The following LANCL2 variants were observed in gnomAD, a reference collection of about 807,000 sequenced individuals.
The protein encoded by LANCL2 is lanC-like protein 2.
In LANCL2, 33 loss-of-function variants were observed where a neutral mutation model predicts 56.9. That is an observed-to-expected ratio of 0.58 (90% CI 0.44 to 0.78). The LOEUF is 0.78. Ranked by LOEUF, LANCL2 falls within the 30% of genes least tolerant of loss-of-function variation. LANCL2 has a pLI of 0.00. For synonymous variants in LANCL2, 233 were observed against 228.2 expected (o/e 1.02, Z -0.19); for missense variants, 562 against 580.2 (o/e 0.97, Z 0.32).
rs771695305 is a variant in LANCL2, at chr7:55,401,226, A to G, written c.731A>G (p.Lys244Arg). 2.2e-5 allele frequency: 35 copies of G among 1,614,052 alleles called. No homozygotes were observed. Among genetic ancestry groups the G allele is most frequent in the African/African-American group, 5.3e-5 (4 of 74,924 alleles). Residue 244 changes from lysine (K) to arginine (R), a missense_variant, in exon 5 of 9, where the codon AAA becomes AGA. Physicochemically the swap from Lys to Arg is conservative, Grantham distance 26 (BLOSUM62 2). Transcript: ENST00000254770. ...AAGACTTTGTCAAGGGAAGAAAGAA[A>G]AACGGAGCGCTGCCCGCTGTTGTAC... is the stretch of plus-strand genomic sequence containing the variant. ...SGKTLSREER[K>R]TERCPLLYQW...
At chr7:55,373,574 A>G (rs545470656) in intron 1 of LANCL2, among the ~76,000 whole-genome samples, 2 of 152,294 alleles carry the variant, frequency 1.3e-5, no homozygotes, top group Non-Finnish European at 2.9e-5. Flanking sequence ...TGTTGGGATT[A>G]CAGGTGCAAG....
chr7:55,393,005 C>G (rs1465539786), intron 2 of LANCL2, among the ~76,000 whole-genome samples: 1 of 152,024 alleles, frequency 6.6e-6, no homozygotes, highest in South Asian at 2.1e-4. Context: ...ATGATAACAA[C>G]CAATAATACA....
At chr7:55,378,161 C>A (rs1790024226) in intron 1 of LANCL2, among the ~76,000 whole-genome samples, 1 of 152,156 alleles carries the variant, frequency 6.6e-6, no homozygotes, top group African/African-American at 2.4e-5. Flanking sequence ...TGTTAGTTAT[C>A]TTTATAATAC....
At chr7:55,379,046 G>A (rs73344579) in intron 1 of LANCL2, among the ~76,000 whole-genome samples, 7,637 of 152,228 alleles carry the variant, frequency 0.05, 653 homozygotes, top group African/African-American at 0.17. Flanking sequence ...CAGGAGAATG[G>A]TGTGAAGGCA....
Position 55,366,136 on chromosome 7 carries a change from G to T in LANCL2, c.111G>T (p.Ala37=). The change falls in exon 1 of 9, where the codon GCG becomes GCT. Residue 37 remains alanine, a synonymous_variant. Coordinates refer to ENST00000254770, the MANE Select transcript of LANCL2 (RefSeq NM_018697.4). ...CGGACTACGAGGCCGCCGCCGGGGC[G>T]CTGCTCGCCTCCGGAGCGGCCGAAG... ...PFPDYEAAAG[A]LLASGAAEET... 6.5e-7 allele frequency: 1 copy of T among 1,547,178 alleles called. No individual in the cohort carries two copies. Among genetic ancestry groups the T allele is most frequent in the Non-Finnish European group, 8.7e-7 (1 of 1,143,960 alleles).
At chr7:55,430,458 T>TGGG (rs1177449579) in intron 8 of LANCL2, among the ~76,000 whole-genome samples, 1 of 152,130 alleles carries the variant, frequency 6.6e-6, no homozygotes, top group Non-Finnish European at 1.5e-5. Flanking sequence ...TGGTTACCTC[T>TGGG]GGGGGGACCA....
At chr7:55,393,063 C>T (rs1196852871) in intron 2 of LANCL2, among the ~76,000 whole-genome samples, 5 of 152,166 alleles carry the variant, frequency 3.3e-5, no homozygotes, top group Non-Finnish European at 1.5e-5. Context: ...CTTAACTAAT[C>T]TTTGCATTCT....
In LANCL2 at chr7:55,374,138, C is replaced by G. The variant is rs184977730; in HGVS notation, c.204+7909C>G. Among the ~76,000 whole-genome samples the G allele has an allele frequency of 2.4e-3, 372 of 152,226 alleles. 6 individuals carry two copies. The highest frequency in any genetic ancestry group is 3.7e-4 in the Non-Finnish European group (25 of 68,018). On this transcript the variant is annotated intron_variant, in intron 1 of 8. Transcript: ENST00000254770. Reference sequence around the variant, plus strand: ...ACTGTAATTACATATGTTTTGAGCCCTTGTTTGCAGTTTATTAATACATTG... The same window carrying G: ...ACTGTAATTACATATGTTTTGAGCCGTTGTTTGCAGTTTATTAATACATTG...
chr7:55,376,882 C>A (rs1790009285), intron 1 of LANCL2, among the ~76,000 whole-genome samples: 1 of 152,200 alleles, frequency 6.6e-6, no homozygotes, highest in African/African-American at 2.4e-5. Flanking sequence ...AAAAGAATAA[C>A]TAATATTATA....
intron 5 of LANCL2, among the ~76,000 whole-genome samples, chr7:55,407,205 A>C (rs1249616193): frequency 6.6e-6 from 1 of 152,182 alleles, no homozygotes; most frequent in African/African-American, 2.4e-5. Context: ...CAATTCAGGA[A>C]AGCCAGATGT....
intron 5 of LANCL2, among the ~76,000 whole-genome samples, chr7:55,410,588 CT>C (rs773633896): frequency 2.6e-5 from 4 of 152,218 alleles, no homozygotes; most frequent in African/African-American, 9.6e-5. Context: ...TACGTCACCC[CT>C]GACATGTGCA....
At chr7:55,374,356 CAG>C (rs1789977896) in intron 1 of LANCL2, among the ~76,000 whole-genome samples, 1 of 152,054 alleles carries the variant, frequency 6.6e-6, no homozygotes, top group African/African-American at 2.4e-5. Context: ...AATAAGAAAA[CAG>C]AAGCAGACCA....
intron 5 of LANCL2, among the ~76,000 whole-genome samples, chr7:55,406,833 T>TGAAGCTAGGG (rs1347239124): frequency 6.6e-6 from 1 of 152,214 alleles, no homozygotes; most frequent in East Asian, 1.9e-4. Flanking sequence ...AGTTCTTTGA[T>TGAAGCTAGGG]GAAGCTAGGG....
chr7:55,428,065 G>T, intron 7 of LANCL2: 1 of 401,776 alleles, frequency 2.5e-6, no homozygotes, highest in Non-Finnish European at 4.6e-6. Flanking sequence ...AGTTGCTTCT[G>T]GAATCATCAG....
intron 6 of LANCL2, among the ~76,000 whole-genome samples, chr7:55,420,205 A>G (rs1790593641): frequency 6.6e-6 from 1 of 151,974 alleles, no homozygotes; most frequent in Non-Finnish European, 1.5e-5. Flanking sequence ...AAAGCTTTAC[A>G]TTTTCCTCTA....
At chr7:55,405,310 G>C (rs1001622807) in intron 5 of LANCL2, among the ~76,000 whole-genome samples, 1 of 152,110 alleles carries the variant, frequency 6.6e-6, no homozygotes, top group Admixed American at 6.5e-5. Flanking sequence ...GACTGGATGA[G>C]GTGCACCCAC....
chr7:55,412,114 G>GGGA, intron 6 of LANCL2, 25 bp downstream of exon 6: 1 of 1,592,318 alleles, frequency 6.3e-7, no homozygotes, highest in Non-Finnish European at 8.6e-7. Context: ...CGTCACGGCC[G>GGGA]TCCCCTGTGT....
At chr7:55,398,692 G>T (rs539052419) in intron 3 of LANCL2, 62 bp downstream of exon 3, 35 of 1,257,156 alleles carry the variant, frequency 2.8e-5, no homozygotes, top group Middle Eastern at 5.2e-4. Context: ...GCTGTAGAAA[G>T]ATATTCAGAA....
In LANCL2 at chr7:55,411,101, G is replaced by A. The variant is rs115606011; in HGVS notation, c.826-806G>A. On this transcript the variant is annotated intron_variant, in intron 5 of 8. Transcript: ENST00000254770. ...CATTAACATGTCACCCTAAGATGGCGTGTGGGCTGGCATGCCACCCTAAGA... is the reference window on the plus strand; with the variant it reads ...CATTAACATGTCACCCTAAGATGGCATGTGGGCTGGCATGCCACCCTAAGA... Among the ~76,000 whole-genome samples the A allele has an allele frequency of 6.1e-3, 927 of 152,272 alleles. 11 individuals are homozygous for A. Among genetic ancestry groups the A allele is most frequent in the African/African-American group, 0.021 (863 of 41,550 alleles).
Sources: gnomAD v4.1 joint callset for allele counts (sites outside exome capture counted in the v4.1 genomes callset) on GRCh38, gnomAD v4.1.1 for gene constraint, MANE v1.5 for transcripts, NCBI Gene and HGNC (gene_info 2026-07-23, HGNC 2026-07-21) for gene names.